The following CEP126 variants were observed in gnomAD, a reference collection of about 807,000 sequenced individuals.
CEP126 encodes centrosomal protein of 126 kDa.
In CEP126, 74 loss-of-function variants were observed where a neutral mutation model predicts 107.8. The ratio of observed to expected loss-of-function variants is 0.69; its 90% CI spans 0.57 to 0.83. The LOEUF (loss-of-function observed/expected upper bound fraction) is 0.83, where lower values mean the gene tolerates loss of function less well. Ranked by LOEUF, CEP126 falls within the 40% of genes least tolerant of loss-of-function variation. The probability of loss-of-function intolerance (pLI) is 0.00; values close to 1 mark genes in which losing one functional copy is unlikely to be tolerated. For missense variants in CEP126, 1,237 were observed against 1,281.9 expected (o/e 0.96, Z 0.53); for synonymous variants, 449 against 446.0 (o/e 1.01, Z -0.08).
Position 101,961,840 on chromosome 11 carries a change from A to C in CEP126, c.805A>C (p.Asn269His), listed in dbSNP as rs1940975191. 3.7e-6 allele frequency: 6 copies of C among 1,610,516 alleles called. No homozygotes were observed. The highest frequency in any genetic ancestry group is 1.3e-5 in the African/African-American group (1 of 74,870). ...GCATGAAGAAATATATTTAACACTT[A>C]ATAAGGAGCATTCCACATCCATCCA... ...TEHEEIYLTL[N>H]KEHSTSIQRN... is the part of the protein sequence containing the mutation. Residue 269 changes from asparagine to histidine, a missense_variant, in exon 6 of 11, where the codon AAT becomes CAT. Physicochemically the swap from Asn to His is moderately conservative, Grantham distance 68 (BLOSUM62 1). Coordinates refer to ENST00000263468, the MANE Select transcript of CEP126 (RefSeq NM_020802.4).
At chr11:101,948,653 G>A (rs934693035) in intron 4 of CEP126, among the ~76,000 whole-genome samples, 7 of 151,918 alleles carry the variant, frequency 4.6e-5, no homozygotes, top group African/African-American at 1.5e-4. Context: ...GGGTACCCTC[G>A]GACATCCTGT....
rs4754032 is a variant in CEP126, at chr11:101,999,769, A to G, written c.*2126A>G. 0.071 allele frequency: 10,759 copies of G among 152,298 alleles called. 583 individuals carry two copies. Among genetic ancestry groups the G allele is most frequent in the East Asian group, 0.27 (1,388 of 5,182 alleles). 9.4% of individuals were successfully genotyped at this position (152,298 alleles called of 1,614,324 possible). A position where few individuals can be genotyped will look rare whatever the true frequency, so the allele number is the denominator to read the frequency against. On this transcript the variant is annotated 3_prime_UTR_variant, in exon 11 of 11. Transcript: ENST00000263468. Reference sequence around the variant, plus strand: ...AACGTGAAAACTAACATTTTTGGCCAGACACAGTGGCTCATGCATGTAATT... The same window carrying G: ...AACGTGAAAACTAACATTTTTGGCCGGACACAGTGGCTCATGCATGTAATT...
intron 8 of CEP126, among the ~76,000 whole-genome samples, chr11:101,986,589 TG>T (rs1941318746): frequency 1.3e-5 from 2 of 152,174 alleles, no homozygotes; most frequent in Admixed American, 6.5e-5. Context: ...AGTAATACTC[TG>T]GGAATTTTTA....
chr11:101,940,080 T>A (rs72970237), intron 2 of CEP126, among the ~76,000 whole-genome samples: 2,405 of 151,908 alleles, frequency 0.016, 33 homozygotes, highest in Non-Finnish European at 0.025. Flanking sequence ...AAAAATACAA[T>A]AGTACAAAAA....
At chr11:101,922,507 G>T in intron 1 of CEP126, 134 bp from the exon 2 acceptor site, 2 of 708,774 alleles carry the variant, frequency 2.8e-6, no homozygotes, top group East Asian at 2.7e-5. Flanking sequence ...ATACTAATGT[G>T]GGCACATACT....
intron 2 of CEP126, among the ~76,000 whole-genome samples, chr11:101,933,814 A>AG (rs1940535429): frequency 8.1e-6 from 1 of 122,786 alleles, no homozygotes; most frequent in African/African-American, 3.0e-5. Flanking sequence ...CACCCCCGAG[A>AG]CCCCCCCCCC....
chr11:101,969,125 A>G (rs1252789787), intron 6 of CEP126, among the ~76,000 whole-genome samples: 1 of 152,084 alleles, frequency 6.6e-6, no homozygotes, highest in Admixed American at 6.5e-5. Flanking sequence ...TGCTCAAGCA[A>G]TCCTCCCACC....
intron 8 of CEP126, 131 bp downstream of exon 8, chr11:101,982,095 C>CTGT: frequency 1.9e-6 from 1 of 517,964 alleles, no homozygotes; most frequent in South Asian, 3.4e-5. Context: ...TCTCCTCACC[C>CTGT]CTGCACATCC....
At chr11:101,946,949 T>A (rs942447453) in intron 3 of CEP126, among the ~76,000 whole-genome samples, 2 of 152,186 alleles carry the variant, frequency 1.3e-5, no homozygotes, top group African/African-American at 4.8e-5. Flanking sequence ...AAATAATTTT[T>A]AAATTATTTA....
intron 3 of CEP126, 133 bp from the exon 4 acceptor site, chr11:101,947,898 C>T: frequency 2.5e-6 from 1 of 406,508 alleles, no homozygotes; most frequent in East Asian, 3.6e-5. Flanking sequence ...AAAGTATTTA[C>T]ACTATTCTGA....
chr11:101,992,110 CAT>C (rs1177429447), intron 9 of CEP126, among the ~76,000 whole-genome samples: 1 of 150,952 alleles, frequency 6.6e-6, no homozygotes, highest in Non-Finnish European at 1.5e-5. Context: ...TTAAAATATG[CAT>C]ATGTTTTATA....
At chr11:101,953,187 T>C (rs985565133) in intron 4 of CEP126, among the ~76,000 whole-genome samples, 22 of 141,758 alleles carry the variant, frequency 1.6e-4, no homozygotes, top group African/African-American at 5.2e-4. Flanking sequence ...ATAAGAATTA[T>C]CATACTCGAG....
chr11:101,971,327 G>GA (rs370528700), intron 6 of CEP126, among the ~76,000 whole-genome samples: 2,069 of 148,542 alleles, frequency 0.014, 35 homozygotes, highest in African/African-American at 0.041. Context: ...TAATACACAT[G>GA]AAAAAAAAAA....
intron 4 of CEP126, chr11:101,956,870 G>A (rs571499238): frequency 2.7e-6 from 1 of 371,510 alleles, no homozygotes; most frequent in Non-Finnish European, 5.2e-6. Context: ...GAAGAAAGTA[G>A]AGAAGAGAAG....
intron 5 of CEP126, among the ~76,000 whole-genome samples, chr11:101,960,252 A>T (rs1480816773): frequency 6.6e-6 from 1 of 152,230 alleles, no homozygotes; most frequent in Admixed American, 6.5e-5. Context: ...GAAGAAAAAA[A>T]AAGTATTGTT....
rs1941476240 is a variant in CEP126 at position 101,998,978 on chromosome 11, A to G, written c.*1335A>G. 1 of 152,212 alleles carries G rather than the reference A, an allele frequency of 6.6e-6. No homozygotes were observed. Among genetic ancestry groups the G allele is most frequent in the Non-Finnish European group, 1.5e-5 (1 of 68,046 alleles). The allele number at this position is 152,212 out of a possible 1,614,324, so 9.4% of individuals were successfully genotyped here. A position where few individuals can be genotyped will look rare whatever the true frequency, so the allele number is the denominator to read the frequency against. On this transcript the variant is annotated 3_prime_UTR_variant, in exon 11 of 11. Coordinates refer to ENST00000263468, the MANE Select transcript of CEP126 (RefSeq NM_020802.4). ...TGGAAACTATTGGATGAAATGAGGA[A>G]AAACAGGAAAAGAATTCACTTTTTA... is the stretch of plus-strand genomic sequence containing the variant.
intron 1 of CEP126, among the ~76,000 whole-genome samples, chr11:101,921,216 C>A (rs868029627): frequency 2.0e-5 from 3 of 152,108 alleles, no homozygotes; most frequent in African/African-American, 4.8e-5. Context: ...AAGTAAATAA[C>A]TAAACTGTAT....
chr11:101,941,668 C>T (rs1489659257), intron 2 of CEP126, among the ~76,000 whole-genome samples: 1 of 152,036 alleles, frequency 6.6e-6, no homozygotes, highest in African/African-American at 2.4e-5. Flanking sequence ...AAGTGAAATT[C>T]TTTTATCATA....
At chr11:101,931,909 C>T (rs565049780) in intron 2 of CEP126, among the ~76,000 whole-genome samples, 72 of 152,278 alleles carry the variant, frequency 4.7e-4, no homozygotes, top group Non-Finnish European at 7.1e-4. Flanking sequence ...ACAAATAGTT[C>T]GGCATATAGC....
Sources: gnomAD v4.1 joint callset for allele counts (sites outside exome capture counted in the v4.1 genomes callset) on GRCh38, gnomAD v4.1.1 for gene constraint, MANE v1.5 for transcripts, NCBI Gene and HGNC (gene_info 2026-07-23, HGNC 2026-07-21) for gene names.